PDE8B: variants seen among roughly 807,000 people sequenced by gnomAD.
PDE8B encodes high affinity cAMP-specific and IBMX-insensitive 3',5'-cyclic phosphodiesterase 8B.
Under a neutral mutation model 101.3 loss-of-function variants are expected in PDE8B, and 26 were observed. The ratio of observed to expected loss-of-function variants is 0.26; its 90% CI spans 0.19 to 0.36. The LOEUF is 0.36. Ranked by LOEUF, PDE8B falls within the 10% of genes least tolerant of loss-of-function variation. PDE8B has a pLI of 1.00. For synonymous variants in PDE8B, 424 were observed against 429.3 expected, an observed-to-expected ratio of 0.99 and a Z score of 0.15; for missense variants, 810 against 1,163.1, an observed-to-expected ratio of 0.70 and a Z score of 4.42.
the PDE8B span, among the ~76,000 whole-genome samples, chr5:77,109,880 C>A: frequency 2.2e-5 from 3 of 139,006 alleles, no homozygotes; most frequent in African/African-American, 7.9e-5. Context: ...AAAGCTGATA[C>A]AATAGAAATG....
At chr5:77,089,070 G>C in the PDE8B span, among the ~76,000 whole-genome samples, 1 of 152,186 alleles carries the variant, frequency 6.6e-6, no homozygotes, top group East Asian at 1.9e-4. Flanking sequence ...CCAACCCCGG[G>C]CCATGAACCA....
At chr5:77,398,659 G>A (rs543539205) in intron 10 of PDE8B, among the ~76,000 whole-genome samples, 2 of 152,276 alleles carry the variant, frequency 1.3e-5, no homozygotes, top group Non-Finnish European at 2.9e-5. Context: ...GCTGGCTCCC[G>A]CTAAGACACA....
intron 5 of PDE8B, among the ~76,000 whole-genome samples, chr5:77,335,375 A>T (rs1378201509): frequency 6.6e-6 from 1 of 152,180 alleles, no homozygotes; most frequent in Admixed American, 6.5e-5. Context: ...ATCAAACAGA[A>T]AGTATTTCCC....
At chr5:77,372,982 T>G (rs1235343897) in intron 10 of PDE8B, among the ~76,000 whole-genome samples, 2 of 151,992 alleles carry the variant, frequency 1.3e-5, no homozygotes, top group African/African-American at 2.4e-5. Context: ...GAGCTGAGAT[T>G]GCACCATTGC....
chr5:77,371,063 C>G (rs2150678873), intron 10 of PDE8B, among the ~76,000 whole-genome samples: 1 of 152,258 alleles, frequency 6.6e-6, no homozygotes, highest in East Asian at 1.9e-4. Flanking sequence ...GTATGTTTTG[C>G]TCATATGTAC....
In PDE8B at chr5:77,267,182, G is replaced by A. The variant is rs148793388; in HGVS notation, c.340-44812G>A. Among the ~76,000 whole-genome samples the A allele has an allele frequency of 5.3e-3, 802 of 152,264 alleles. 8 individuals carry two copies. The highest frequency in any genetic ancestry group is 0.019 in the African/African-American group (777 of 41,550). On this transcript the variant is annotated intron_variant, in intron 1 of 21. Transcript: ENST00000264917. ...AGGCCAGGCATGGTGGCTCACGCCT[G>A]TAATCCCAGCACTTTGGGAGGCCAA... is the stretch of plus-strand genomic sequence containing the variant.
intron 10 of PDE8B, among the ~76,000 whole-genome samples, chr5:77,378,009 T>TACACACACACACACACACACAC (rs3031820): frequency 6.7e-5 from 9 of 134,392 alleles, no homozygotes; most frequent in African/African-American, 8.9e-5. Context: ...CCTCTCTCTC[T>TACACACACACACACACACACAC]ACACACACAC....
chr5:77,190,139 A>G, the PDE8B span, among the ~76,000 whole-genome samples: 1 of 152,126 alleles, frequency 6.6e-6, no homozygotes, highest in Admixed American at 6.5e-5. Context: ...CTTCTCCATG[A>G]GTTGAGTCAG....
chr5:77,368,372 G>A (rs1232060566), intron 10 of PDE8B, among the ~76,000 whole-genome samples: 4 of 152,014 alleles, frequency 2.6e-5, no homozygotes, highest in South Asian at 4.2e-4. Context: ...TACCCTTCCC[G>A]TGACTCCTGT....
At chr5:77,392,998 C>T (rs1790258969) in intron 10 of PDE8B, among the ~76,000 whole-genome samples, 1 of 152,174 alleles carries the variant, frequency 6.6e-6, no homozygotes, top group Admixed American at 6.5e-5. Flanking sequence ...AGCCTATTAG[C>T]CAACTAGAAG....
At chr5:77,397,506 C>A (rs181527901) in intron 10 of PDE8B, among the ~76,000 whole-genome samples, 1 of 152,250 alleles carries the variant, frequency 6.6e-6, no homozygotes. Context: ...CACCTTTACA[C>A]AACCCACCCA....
At chr5:77,118,318 A>G in the PDE8B span, 1 of 398,586 alleles carries the variant, frequency 2.5e-6, no homozygotes. Context: ...TTGTTGTTGC[A>G]GGAAAACACA....
chr5:77,380,416 T>A (rs1422791098), intron 10 of PDE8B, among the ~76,000 whole-genome samples: 1 of 152,240 alleles, frequency 6.6e-6, no homozygotes, highest in Non-Finnish European at 1.5e-5. Context: ...GGCCTCCATT[T>A]CTCACCTTCA....
chr5:77,421,970 T>G lies in PDE8B; in HGVS notation c.2400T>G (p.Ser800=), dbSNP rs749953189. The G allele has an allele frequency of 6.2e-7, 1 of 1,614,044 alleles. No individual in the cohort carries two copies. Among genetic ancestry groups the G allele is most frequent in the African/African-American group, 1.3e-5 (1 of 74,938 alleles). ...GCATTGAATGGGCTGGGAGGATCTC[T>G]GAGGAGTATTTTGCACAGGTGCGCC... The part of the protein sequence containing the change: ...DLCIEWAGRI[S]EEYFAQTDEE... Residue 800 remains serine, a synonymous_variant, in exon 20 of 22, where the codon TCT becomes TCG. Coordinates refer to ENST00000264917, the MANE Select transcript of PDE8B (RefSeq NM_003719.5).
chr5:77,195,087 G>T, the PDE8B span, among the ~76,000 whole-genome samples: 8 of 152,266 alleles, frequency 5.3e-5, no homozygotes, highest in African/African-American at 1.9e-4. Context: ...TAATTTAAGA[G>T]AATAGAAATT....
At chr5:77,152,048 T>G in the PDE8B span, 1 of 151,998 alleles carries the variant, frequency 6.6e-6, no homozygotes, top group Non-Finnish European at 1.5e-5. Context: ...TCTGGAAGCT[T>G]CTGAATGTGT....
the PDE8B span, among the ~76,000 whole-genome samples, chr5:77,166,326 G>A: frequency 0.011 from 1,686 of 151,898 alleles, 17 homozygotes; most frequent in Non-Finnish European, 0.019. Context: ...TCAGGCCACC[G>A]GCTTGTCTTC....
At chr5:77,262,314 A>G (rs541420118) in intron 1 of PDE8B, among the ~76,000 whole-genome samples, 111 of 152,314 alleles carry the variant, frequency 7.3e-4, no homozygotes, top group African/African-American at 2.6e-3. Context: ...CATGTCCTCT[A>G]GTACTAAAGT....
chr5:77,272,616 AGGCTGT>A (rs1763020975), intron 1 of PDE8B, among the ~76,000 whole-genome samples: 1 of 152,184 alleles, frequency 6.6e-6, no homozygotes, highest in Admixed American at 6.5e-5. Context: ...CCACCCTGGA[AGGCTGT>A]GGCTGGTATG....
Sources: gnomAD v4.1 joint callset for allele counts (sites outside exome capture counted in the v4.1 genomes callset) on GRCh38, gnomAD v4.1.1 for gene constraint, MANE v1.5 for transcripts, NCBI Gene and HGNC (gene_info 2026-07-23, HGNC 2026-07-21) for gene names.